The following DDC variants were observed in gnomAD, a reference collection of about 807,000 sequenced individuals.
DDC encodes the protein aromatic-L-amino-acid decarboxylase.
A neutral mutation model predicts 60.0 loss-of-function variants in DDC; 43 were observed. The observed-to-expected ratio is 0.72, with a 90% CI of 0.56 to 0.92. DDC has a LOEUF of 0.92. Among genes scored for constraint, DDC ranks in the 40% least tolerant of loss-of-function variants. The probability of loss-of-function intolerance (pLI) is 0.00; values close to 1 mark genes in which losing one functional copy is unlikely to be tolerated. For missense variants in DDC, 573 were observed against 620.2 expected, an observed-to-expected ratio of 0.92 and a Z score of 0.81; for synonymous variants, 232 against 234.6, an observed-to-expected ratio of 0.99 and a Z score of 0.10.
chr7:50,500,355 A>G (rs1325187078), intron 7 of DDC, among the ~76,000 whole-genome samples: 1 of 152,062 alleles, frequency 6.6e-6, no homozygotes, highest in Non-Finnish European at 1.5e-5. Flanking sequence ...GGAAGGCCCC[A>G]CCTCCAATAC....
intron 10 of DDC, among the ~76,000 whole-genome samples, chr7:50,479,068 C>T (rs2042710675): frequency 6.6e-6 from 1 of 152,202 alleles, no homozygotes; most frequent in African/African-American, 2.4e-5. Flanking sequence ...TAGTTCAACG[C>T]CTACCATTAA....
intron 1 of DDC, among the ~76,000 whole-genome samples, chr7:50,559,645 C>A (rs2045292895): frequency 6.6e-6 from 1 of 152,216 alleles, no homozygotes; most frequent in African/African-American, 2.4e-5. Context: ...CCAGGCTGGT[C>A]TTGAACTCCC....
intron 9 of DDC, among the ~76,000 whole-genome samples, chr7:50,488,666 A>T (rs1340794399): frequency 1.3e-5 from 2 of 152,180 alleles, no homozygotes; most frequent in Non-Finnish European, 2.9e-5. Flanking sequence ...AATTAAAAGA[A>T]AATTATTTAT....
At chr7:50,518,551 A>AT (rs1221294172) in intron 6 of DDC, among the ~76,000 whole-genome samples, 1 of 152,246 alleles carries the variant, frequency 6.6e-6, no homozygotes, top group African/African-American at 2.4e-5. Flanking sequence ...ACATAGACCA[A>AT]TGGAACAGAA....
intron 6 of DDC, among the ~76,000 whole-genome samples, chr7:50,514,724 G>A (rs915311723): frequency 6.6e-6 from 1 of 152,008 alleles, no homozygotes; most frequent in Non-Finnish European, 1.5e-5. Flanking sequence ...ACAAGTAGAA[G>A]AAAGAAATTC....
chr7:50,536,260 C>T (rs1291673335), intron 4 of DDC, among the ~76,000 whole-genome samples: 2 of 152,118 alleles, frequency 1.3e-5, no homozygotes, highest in Non-Finnish European at 1.5e-5. Flanking sequence ...CTGAAAGCCC[C>T]CTCCCTGCTT....
chr7:50,508,753 AT>A (rs1471233700), intron 6 of DDC, among the ~76,000 whole-genome samples: 1 of 152,218 alleles, frequency 6.6e-6, no homozygotes, highest in Non-Finnish European at 1.5e-5. Flanking sequence ...ATGCCCAGTT[AT>A]AACCACAAGG....
At chr7:50,472,950 CTT>C (rs955529047) in intron 11 of DDC, among the ~76,000 whole-genome samples, 1 of 152,176 alleles carries the variant, frequency 6.6e-6, no homozygotes, top group African/African-American at 2.4e-5. Flanking sequence ...TTTCCAGCCT[CTT>C]TGAACAAAAT....
At chr7:50,551,439 G>T (rs1425684219) in intron 1 of DDC, among the ~76,000 whole-genome samples, 1 of 151,808 alleles carries the variant, frequency 6.6e-6, no homozygotes, top group South Asian at 2.1e-4. Flanking sequence ...CACCATGTTG[G>T]CCAGGCTGGT....
chr7:50,540,778 G>A (rs2153549395), intron 2 of DDC, among the ~76,000 whole-genome samples: 1 of 152,332 alleles, frequency 6.6e-6, no homozygotes, highest in South Asian at 2.1e-4. Context: ...TGTGGGCCAG[G>A]GAGGAGATCC....
intron 8 of DDC, among the ~76,000 whole-genome samples, chr7:50,496,189 T>A (rs1373710672): frequency 6.6e-6 from 1 of 152,022 alleles, no homozygotes; most frequent in Non-Finnish European, 1.5e-5. Context: ...GCTCAAGTGA[T>A]CCTCCTGCCT....
chr7:50,527,362 T>C (rs1482784683), intron 6 of DDC, among the ~76,000 whole-genome samples: 2 of 152,218 alleles, frequency 1.3e-5, no homozygotes, highest in African/African-American at 4.8e-5. Flanking sequence ...ACAGATTTAT[T>C]TTTCCCTAGA....
intron 2 of DDC, chr7:50,543,054 G>C (rs978208256): frequency 6.6e-6 from 1 of 152,560 alleles, no homozygotes; most frequent in African/African-American, 2.4e-5. Flanking sequence ...ATGCTGGGTC[G>C]CGGCAGTGAT....
intron 6 of DDC, chr7:50,527,914 TG>T (rs2044082712): frequency 2.1e-6 from 1 of 481,924 alleles, no homozygotes; most frequent in Admixed American, 3.4e-5. Flanking sequence ...TAATTTTTTT[TG>T]AGACAGAGTC....
chr7:50,459,297 C>T (rs1262233200), intron 14 of DDC, among the ~76,000 whole-genome samples: 14 of 152,196 alleles, frequency 9.2e-5, no homozygotes, highest in Admixed American at 3.9e-4. Context: ...GGAGTGATCT[C>T]GGCTCGCTAC....
intron 1 of DDC, among the ~76,000 whole-genome samples, chr7:50,552,365 T>G (rs2153552930): frequency 6.6e-6 from 1 of 152,346 alleles, no homozygotes; most frequent in South Asian, 2.1e-4. Flanking sequence ...CACACGACAC[T>G]ATTCTCCACA....
chr7:50,477,578 T>C (rs1438171596), intron 10 of DDC: 3 of 456,068 alleles, frequency 6.6e-6, no homozygotes, highest in Non-Finnish European at 1.3e-5. Context: ...CAGGAGTGCC[T>C]ACATTGTATT....
rs561576176 is a variant in DDC at position 50,517,755 on chromosome 7, A to C, written c.714+10382T>G. Among the ~76,000 whole-genome samples, 5 of 151,574 alleles carry C rather than the reference A, an allele frequency of 3.3e-5. No homozygotes were observed. In the East Asian group the frequency reaches 5.8e-4, roughly 18 times the overall value. Reference sequence around the variant, plus strand: ...TCTGGATACAAGATTAATGTACACAAGTCAGTAGCTCTTCTATACACCAAC... The same window carrying C: ...TCTGGATACAAGATTAATGTACACACGTCAGTAGCTCTTCTATACACCAAC... On this transcript the variant is annotated intron_variant, in intron 6 of 14. Transcript: ENST00000444124.
chr7:50,481,982 A>G (rs1026239490), intron 9 of DDC, among the ~76,000 whole-genome samples: 2 of 152,180 alleles, frequency 1.3e-5, no homozygotes, highest in African/African-American at 4.8e-5. Context: ...CATTCATTCT[A>G]TCATTTCCCA....
Sources: gnomAD v4.1 joint callset for allele counts (sites outside exome capture counted in the v4.1 genomes callset) on GRCh38, gnomAD v4.1.1 for gene constraint, MANE v1.5 for transcripts, NCBI Gene and HGNC (gene_info 2026-07-23, HGNC 2026-07-21) for gene names.